FNDC3B: variants seen among roughly 807,000 people sequenced by gnomAD.
FNDC3B encodes fibronectin type III domain-containing protein 3B.
A neutral mutation model predicts 151.5 loss-of-function variants in FNDC3B; 12 were observed. The observed-to-expected ratio is 0.08, with a 90% CI of 0.05 to 0.13. The LOEUF (loss-of-function observed/expected upper bound fraction) is 0.13. FNDC3B is among the 10% of genes least tolerant of loss of function. FNDC3B has a pLI of 1.00. For missense variants in FNDC3B, 1,214 were observed against 1,505.3 expected (o/e 0.81, Z 3.20); for synonymous variants, 528 against 549.0 (o/e 0.96, Z 0.54).
At chr3:172,351,819 CAGGAGAT>C (rs1469048048) in intron 21 of FNDC3B, among the ~76,000 whole-genome samples, 1 of 152,122 alleles carries the variant, frequency 6.6e-6, no homozygotes, top group African/African-American at 2.4e-5. Context: ...AGGGAAACCA[CAGGAGAT>C]GCAGTCAGGT....
chr3:172,292,435 G>A (rs1730393035), intron 7 of FNDC3B, among the ~76,000 whole-genome samples: 1 of 152,222 alleles, frequency 6.6e-6, no homozygotes, highest in Non-Finnish European at 1.5e-5. Flanking sequence ...TGCTTCAAGT[G>A]TTGTATTTCT....
At chr3:172,125,472 GGTAGAGATA>G (rs967741540) in intron 2 of FNDC3B, among the ~76,000 whole-genome samples, 1 of 152,158 alleles carries the variant, frequency 6.6e-6, no homozygotes, top group Admixed American at 6.5e-5. Context: ...GGTAGTAGTA[GGTAGAGATA>G]GTAGAGGTAG....
At chr3:172,210,211 C>T (rs1049304964) in intron 3 of FNDC3B, among the ~76,000 whole-genome samples, 2 of 152,064 alleles carry the variant, frequency 1.3e-5, no homozygotes, top group Non-Finnish European at 2.9e-5. Context: ...CACGAAGCCG[C>T]CCCCCACTCC....
chr3:172,391,610 T>A (rs865903398), intron 25 of FNDC3B, among the ~76,000 whole-genome samples: 4 of 152,204 alleles, frequency 2.6e-5, no homozygotes, highest in Non-Finnish European at 5.9e-5. Flanking sequence ...TCAATAGGTG[T>A]CACCTGCAAA....
At chr3:172,199,843 GAATA>G (rs1221978868) in intron 3 of FNDC3B, among the ~76,000 whole-genome samples, 1 of 152,216 alleles carries the variant, frequency 6.6e-6, no homozygotes, top group Non-Finnish European at 1.5e-5. Context: ...TTAAATTAAG[GAATA>G]AATGTTTGCG....
intron 3 of FNDC3B, among the ~76,000 whole-genome samples, chr3:172,203,683 G>A (rs546252096): frequency 6.6e-6 from 1 of 152,250 alleles, no homozygotes; most frequent in East Asian, 1.9e-4. Context: ...GCTCCCAAAA[G>A]CACCTAAGGG....
At chr3:172,381,694 C>G (rs997518513) in intron 25 of FNDC3B, among the ~76,000 whole-genome samples, 1 of 150,808 alleles carries the variant, frequency 6.6e-6, no homozygotes, top group African/African-American at 2.4e-5. Flanking sequence ...TTGTTCAACT[C>G]CCACTTATGA....
intron 4 of FNDC3B, among the ~76,000 whole-genome samples, chr3:172,230,188 G>T (rs957372253): frequency 3.3e-5 from 5 of 151,986 alleles, no homozygotes; most frequent in African/African-American, 1.2e-4. Flanking sequence ...TGCCTCAAAG[G>T]ACACCATTAA....
chr3:172,291,658 A>G (rs937159710), intron 7 of FNDC3B, among the ~76,000 whole-genome samples: 22 of 152,212 alleles, frequency 1.4e-4, no homozygotes, highest in Non-Finnish European at 2.5e-4. Context: ...TATAACTACA[A>G]ATTACCCCTT....
At chr3:172,328,563 A>C (rs974481528) in intron 11 of FNDC3B, among the ~76,000 whole-genome samples, 3 of 152,224 alleles carry the variant, frequency 2.0e-5, no homozygotes, top group East Asian at 3.8e-4. Flanking sequence ...CTGTGGATGC[A>C]GTAGACTCTT....
At position 172,346,434 on chromosome 3, in the gene FNDC3B, T is replaced by C; in HGVS notation, c.2358T>C (p.Gly786=). The C allele has an allele frequency of 6.2e-7, 1 of 1,602,808 alleles. No homozygotes were observed. The part of the protein sequence containing the change: ...SCTPDGCVLV[G]WESPDSSGAD... ...CACCTGATGGATGTGTCTTAGTGGG[T>C]TGGGAGGTAAGTCAGGCATATTCTG... Residue 786 remains glycine, a synonymous_variant, in exon 20 of 26, where the codon GGT becomes GGC. Transcript: ENST00000415807.
intron 6 of FNDC3B, among the ~76,000 whole-genome samples, chr3:172,252,588 A>G (rs756006952): frequency 2.0e-5 from 3 of 151,946 alleles, no homozygotes; most frequent in Non-Finnish European, 2.9e-5. Flanking sequence ...AAAAAGATGG[A>G]ATATGTGTAT....
At chr3:172,245,315 G>C (rs1474885814) in intron 4 of FNDC3B, among the ~76,000 whole-genome samples, 1 of 152,138 alleles carries the variant, frequency 6.6e-6, no homozygotes, top group African/African-American at 2.4e-5. Flanking sequence ...TTCATCAGTT[G>C]TCTATGTTGC....
chr3:172,246,797 G>A (rs1450462602), intron 4 of FNDC3B, among the ~76,000 whole-genome samples: 11 of 152,182 alleles, frequency 7.2e-5, no homozygotes, highest in Non-Finnish European at 1.5e-5. Context: ...GAAAAAGAAT[G>A]GATAGAGTGT....
intron 3 of FNDC3B, among the ~76,000 whole-genome samples, chr3:172,183,389 T>G (rs1724015583): frequency 6.6e-6 from 1 of 152,222 alleles, no homozygotes; most frequent in African/African-American, 2.4e-5. Context: ...TTTTGCTGTG[T>G]GTCATTAACA....
chr3:172,357,783 A>G lies in FNDC3B; in HGVS notation c.2795+4700A>G, dbSNP rs577207559. Among the ~76,000 whole-genome samples the G allele has an allele frequency of 1.7e-4, 26 of 152,242 alleles. No homozygotes were observed. The South Asian group carries it at 5.2e-3, about 30-fold the overall frequency. ...GTTACATCATCATTAGAAATAATTA[A>G]TGTTAGTTCAGTGCATCAGCTGTAC... is the stretch of plus-strand genomic sequence containing the variant. On this transcript the variant is annotated intron_variant, in intron 22 of 25. Transcript: ENST00000415807.
intron 6 of FNDC3B, among the ~76,000 whole-genome samples, chr3:172,260,695 T>G (rs1449119034): frequency 1.3e-5 from 2 of 152,130 alleles, no homozygotes; most frequent in African/African-American, 4.8e-5. Context: ...GGACTTGAGA[T>G]AGGGGAGAGT....
At chr3:172,087,064 T>C (rs1476680084) in intron 1 of FNDC3B, among the ~76,000 whole-genome samples, 1 of 152,200 alleles carries the variant, frequency 6.6e-6, no homozygotes, top group Non-Finnish European at 1.5e-5. Flanking sequence ...CTCCCGGAGA[T>C]GGAAGGAAGT....
At chr3:172,171,325 A>G (rs1723270212) in intron 3 of FNDC3B, among the ~76,000 whole-genome samples, 1 of 152,220 alleles carries the variant, frequency 6.6e-6, no homozygotes, top group African/African-American at 2.4e-5. Context: ...TATGTCATTT[A>G]CAGTCTAGTG....
Sources: allele counts gnomAD v4.1 joint callset (sites outside exome capture counted in the v4.1 genomes callset), GRCh38; gene constraint gnomAD v4.1.1; transcripts MANE v1.5; gene names NCBI Gene and HGNC (gene_info 2026-07-23, HGNC 2026-07-21).